The following TRAF3 variants were observed in gnomAD, a reference collection of about 807,000 sequenced individuals.
TRAF3 encodes the protein TNF receptor-associated factor 3.
Under a neutral mutation model 62.3 loss-of-function variants are expected in TRAF3, and 13 were observed. The observed-to-expected ratio is 0.21, with a 90% CI of 0.14 to 0.33. The LOEUF (loss-of-function observed/expected upper bound fraction) is 0.33, where lower values mean the gene tolerates loss of function less well. TRAF3 is among the 10% of genes least tolerant of loss of function. The pLI is 1.00. For missense variants in TRAF3, 440 were observed against 741.8 expected, an observed-to-expected ratio of 0.59 and a Z score of 4.73; for synonymous variants, 269 against 283.4, an observed-to-expected ratio of 0.95 and a Z score of 0.51.
intron 1 of TRAF3, among the ~76,000 whole-genome samples, chr14:102,789,768 G>T (rs190729501): frequency 6.6e-6 from 1 of 151,946 alleles, no homozygotes; most frequent in Admixed American, 6.6e-5. Context: ...TATTTTTGGA[G>T]GGAAGACAAT....
Position 102,826,633 on chromosome 14 carries a change from A to G in TRAF3, c.-156-3701A>G, listed in dbSNP as rs147668164. Among the ~76,000 whole-genome samples, 9 of 152,322 alleles carry G rather than the reference A, an allele frequency of 5.9e-5. No homozygotes were observed. The East Asian group carries it at 1.7e-3, about 29-fold the overall frequency. ...AGCATAACATTGGCAGAGGTCTGACATGTCATTTCCTGTTACTAGAATTGG... is the reference window on the plus strand; with the variant it reads ...AGCATAACATTGGCAGAGGTCTGACGTGTCATTTCCTGTTACTAGAATTGG... On this transcript the variant is annotated intron_variant, in intron 1 of 11. Transcript: ENST00000392745. This position sits in a 1 kb window ranked among gnomAD's most constrained non-coding sequence, Gnocchi z 4.6.
chr14:102,843,993 A>G (rs1886542660), intron 2 of TRAF3, among the ~76,000 whole-genome samples: 1 of 152,248 alleles, frequency 6.6e-6, no homozygotes, highest in Non-Finnish European at 1.5e-5. Flanking sequence ...GAAAATTTAG[A>G]TAAAATAGAC....
At chr14:102,833,545 G>A (rs1885780678) in intron 2 of TRAF3, among the ~76,000 whole-genome samples, 1 of 152,138 alleles carries the variant, frequency 6.6e-6, no homozygotes, top group Admixed American at 6.5e-5. Context: ...CTTTGCATTC[G>A]AGTATAGAGA....
chr14:102,899,254 C>T (rs1017953789), intron 10 of TRAF3, among the ~76,000 whole-genome samples: 1 of 152,184 alleles, frequency 6.6e-6, no homozygotes, highest in Admixed American at 6.5e-5. Flanking sequence ...CACTGTCCAT[C>T]CTCAGGAAAT....
chr14:102,810,055 G>A (rs528831856), intron 1 of TRAF3, among the ~76,000 whole-genome samples: 1 of 152,242 alleles, frequency 6.6e-6, no homozygotes, highest in Admixed American at 6.5e-5. Flanking sequence ...GTAAAAATAA[G>A]CAAAGAAGAA....
chr14:102,778,965 C>G (rs1367308196), intron 1 of TRAF3, among the ~76,000 whole-genome samples: 1 of 152,140 alleles, frequency 6.6e-6, no homozygotes, highest in Non-Finnish European at 1.5e-5. Context: ...AAATGTGTAC[C>G]TTTTCGCCGC....
Position 102,783,212 on chromosome 14 carries a change from C to G in TRAF3, c.-157+5537C>G, listed in dbSNP as rs10400742. Among the ~76,000 whole-genome samples, 1,114 of 152,294 alleles carry G rather than the reference C, an allele frequency of 7.3e-3. 16 individuals are homozygous for G. The highest frequency in any genetic ancestry group is 0.025 in the African/African-American group (1,058 of 41,534). ...CATGTGTTTGGAATGTGTGTCGGCA[C>G]TTGGGTGTGCCTTGTAGCTGCCTCC... On this transcript the variant is annotated intron_variant, in intron 1 of 11. Coordinates refer to ENST00000392745, the MANE Select transcript of TRAF3 (RefSeq NM_145725.3).
chr14:102,852,832 C>T (rs892308704), intron 2 of TRAF3, among the ~76,000 whole-genome samples: 2 of 152,022 alleles, frequency 1.3e-5, no homozygotes, highest in African/African-American at 4.8e-5. Flanking sequence ...TCTTGAGTAG[C>T]TAGGACTCAC....
chr14:102,886,154 G>A, intron 6 of TRAF3, 35 bp from the exon 7 acceptor site: 1 of 1,608,114 alleles, frequency 6.2e-7, no homozygotes, highest in Non-Finnish European at 8.5e-7. Context: ...GACAGGTTGT[G>A]TGTTTAAAGT....
chr14:102,905,694 C>T lies in TRAF3; in HGVS notation c.1617C>T (p.Ala539=). 1.2e-6 allele frequency: 2 copies of T among 1,612,406 alleles called. No homozygotes were observed. The highest frequency in any genetic ancestry group is 1.1e-5 in the South Asian group (1 of 91,054). Residue 539 remains alanine, a synonymous_variant, in exon 12 of 12, where the codon GCC becomes GCT. Transcript: ENST00000392745. The stretch of plus-strand genomic sequence containing the variant: ...CCTCTGGCTGCCCAGTCTTTGTGGC[C>T]CAAACTGTTCTAGAAAATGGGACAT... ...NIASGCPVFV[A]QTVLENGTYI...
Position 102,812,538 on chromosome 14 carries a change from A to G in TRAF3, c.-156-17796A>G, listed in dbSNP as rs753659172. On this transcript the variant is annotated intron_variant, in intron 1 of 11. Transcript: ENST00000392745. ...TAGTGGGATTGCTGGATCATATGGT[A>G]GTTCTATTTGTAGCTTTTGAGGAAA... Among the ~76,000 whole-genome samples, 283 of 152,228 alleles carry G rather than the reference A, an allele frequency of 1.9e-3. 4 individuals carry two copies. The highest frequency in any genetic ancestry group is 3.8e-4 in the Non-Finnish European group (26 of 68,008).
At chr14:102,859,722 T>G (rs1595369340) in intron 2 of TRAF3, among the ~76,000 whole-genome samples, 1 of 152,358 alleles carries the variant, frequency 6.6e-6, no homozygotes, top group East Asian at 1.9e-4. Flanking sequence ...TTAAGCCAAT[T>G]AATCAAAGCC....
At chr14:102,846,638 T>TAAA (rs752922791) in intron 2 of TRAF3, among the ~76,000 whole-genome samples, 1,302 of 71,678 alleles carry the variant, frequency 0.018, 63 homozygotes, top group Admixed American at 0.049. Context: ...TCCAGCTTCT[T>TAAA]AAAAAAAAAA....
At chr14:102,828,056 C>T (rs1441389984) in intron 1 of TRAF3, among the ~76,000 whole-genome samples, 1 of 152,262 alleles carries the variant, frequency 6.6e-6, no homozygotes, top group Admixed American at 6.5e-5. Context: ...TTTCCGCATT[C>T]CCACCCCGCA....
intron 2 of TRAF3, among the ~76,000 whole-genome samples, chr14:102,837,118 T>TTGTGTG (rs139388630): frequency 2.6e-5 from 2 of 78,370 alleles, no homozygotes; most frequent in South Asian, 6.1e-4. Context: ...AGCAAGTAAT[T>TTGTGTG]TGTGTGTGTG....
chr14:102,900,203 A>AAAAAAAAAAG (rs775030784), intron 10 of TRAF3, among the ~76,000 whole-genome samples: 1 of 143,872 alleles, frequency 7.0e-6, no homozygotes. Flanking sequence ...AAAAAAAAAA[A>AAAAAAAAAAG]GACAGCCTAG....
chr14:102,901,450 G>A (rs1031478809), intron 10 of TRAF3, among the ~76,000 whole-genome samples: 5 of 152,242 alleles, frequency 3.3e-5, no homozygotes, highest in Non-Finnish European at 5.9e-5. Flanking sequence ...CTCAGTGTGC[G>A]TGTTAGAAGG....
chr14:102,893,551 C>T (rs1889841361), intron 9 of TRAF3, among the ~76,000 whole-genome samples: 1 of 152,150 alleles, frequency 6.6e-6, no homozygotes, highest in Non-Finnish European at 1.5e-5. Context: ...CTCCTTCCTT[C>T]CTGTTCTGTG....
At chr14:102,868,099 G>A (rs1888111499) in intron 2 of TRAF3, among the ~76,000 whole-genome samples, 2 of 152,344 alleles carry the variant, frequency 1.3e-5, no homozygotes, top group South Asian at 4.1e-4. Flanking sequence ...GAGCTCAGGG[G>A]TGGAAGGAAT....
Sources: allele counts gnomAD v4.1 joint callset (sites outside exome capture counted in the v4.1 genomes callset), GRCh38; gene constraint gnomAD v4.1.1; non-coding constraint Gnocchi (gnomAD v3.1); transcripts MANE v1.5; gene names NCBI Gene and HGNC (gene_info 2026-07-23, HGNC 2026-07-21).